Variants in GTF2H4 observed in about 807,000 individuals in gnomAD.
The protein encoded by GTF2H4 is general transcription factor IIH subunit 4.
A neutral mutation model predicts 62.2 loss-of-function variants in GTF2H4; 49 were observed. The ratio of observed to expected loss-of-function variants is 0.79; its 90% CI spans 0.63 to 1.00. The LOEUF (loss-of-function observed/expected upper bound fraction) is 1.00. Ranked by LOEUF, GTF2H4 falls within the 50% of genes least tolerant of loss-of-function variation. The pLI, the probability that GTF2H4 is intolerant of heterozygous loss-of-function variation, is 0.00. For synonymous variants in GTF2H4, 189 were observed against 233.8 expected, an observed-to-expected ratio of 0.81 and a Z score of 1.75; for missense variants, 479 against 587.8, an observed-to-expected ratio of 0.81 and a Z score of 1.91.
At position 30,911,643 on chromosome 6, in the gene GTF2H4, G is replaced by C; in HGVS notation, c.742-41G>C. On this transcript the variant is annotated intron_variant, in intron 8 of 13. Transcript: ENST00000259895. The surrounding 1 kb of genome is among the most constrained non-coding windows in gnomAD (Gnocchi z 4.3). ...GAATGTATGGGGTTGGGGGTGGGTG[G>C]GTTGTGTTTTGGACCCCAGCTGGAA... is the stretch of plus-strand genomic sequence containing the variant. The C allele has an allele frequency of 6.7e-7, 1 of 1,489,402 alleles. No individual in the cohort carries two copies. Among genetic ancestry groups the C allele is most frequent in the Non-Finnish European group, 9.4e-7 (1 of 1,067,022 alleles). The allele number at this position is 1,489,402 out of a possible 1,614,324, so 92.3% of individuals were successfully genotyped here. A position where few individuals can be genotyped will look rare whatever the true frequency, so the allele number is the denominator to read the frequency against.
chr6:30,912,174 G>C lies in GTF2H4; in HGVS notation c.958+28G>C. The C allele has an allele frequency of 3.1e-6, 5 of 1,611,972 alleles. No homozygotes were observed. The highest frequency in any genetic ancestry group is 4.2e-6 in the Non-Finnish European group (5 of 1,179,364). ...GAGGCGGGACAGAGGGCCCCTGGAA[G>C]AGGAGGTTGGGGGTGAGGGAATGCC... is the stretch of plus-strand genomic sequence containing the variant. On this transcript the variant is annotated intron_variant, in intron 10 of 13. Coordinates refer to ENST00000259895, the MANE Select transcript of GTF2H4 (RefSeq NM_001517.5). The surrounding 1 kb of genome is among the most constrained non-coding windows in gnomAD (Gnocchi z 4.8).
Position 30,913,335 on chromosome 6 carries a change from C to T in GTF2H4, c.1164C>T (p.Thr388=). 5 of 1,613,386 alleles carry T rather than the reference C, an allele frequency of 3.1e-6. No individual in the cohort carries two copies. Among genetic ancestry groups the T allele is most frequent in the South Asian group, 1.1e-5 (1 of 91,074 alleles). The part of the protein sequence containing the change: ...KQTPVLPPTI[T]DQIRLWELER... ...CACCTGTGCTGCCCCCCACCATCAC[C>T]GACCAGATCCGGCTCTGGGAGCTGG... Residue 388 remains threonine, a synonymous_variant, in exon 13 of 14, where the codon ACC becomes ACT. Transcript: ENST00000259895. This position sits in a 1 kb window ranked among gnomAD's most constrained non-coding sequence, Gnocchi z 4.2.
At position 30,912,624 on chromosome 6, in the gene GTF2H4, C is replaced by T. The variant is rs921667262; in HGVS notation, c.1089+166C>T. 3.3e-5 allele frequency among the ~76,000 whole-genome samples: 5 copies of T among 152,034 alleles called. No homozygotes were observed. The highest frequency in any genetic ancestry group is 2.0e-4 in the Admixed American group (3 of 15,262). ...GCTTTGGGTGTGAGAATAGGTAGAC[C>T]CTTGAGGGGAAAAAAACATGGAGGG... On this transcript the variant is annotated intron_variant, in intron 11 of 13. Transcript: ENST00000259895. The surrounding 1 kb of genome is among the most constrained non-coding windows in gnomAD (Gnocchi z 4.8).
chr6:30,913,021 C>T lies in GTF2H4; in HGVS notation c.1090-89C>T. 2 of 1,295,678 alleles carry T rather than the reference C, an allele frequency of 1.5e-6. No homozygotes were observed. Among genetic ancestry groups the T allele is most frequent in the South Asian group, 1.2e-5 (1 of 80,870 alleles). 80.3% of individuals were successfully genotyped at this position (1,295,678 alleles called of 1,614,324 possible). A position where few individuals can be genotyped will look rare whatever the true frequency, so the allele number is the denominator to read the frequency against. On this transcript the variant is annotated intron_variant, in intron 11 of 13. Coordinates refer to ENST00000259895, the MANE Select transcript of GTF2H4 (RefSeq NM_001517.5). The surrounding 1 kb of genome is among the most constrained non-coding windows in gnomAD (Gnocchi z 4.2). ...AGGAGTTATGAGTTTTTAGAATAAG[C>T]TGATGTTCCAGTGACATTAGGTGAC...
In GTF2H4 at chr6:30,912,253, G is replaced by A. The variant is rs1793796138; in HGVS notation, c.959-75G>A. 3 of 1,602,020 alleles carry A rather than the reference G, an allele frequency of 1.9e-6. No homozygotes were observed. Among genetic ancestry groups the A allele is most frequent in the African/African-American group, 2.7e-5 (2 of 74,794 alleles). On this transcript the variant is annotated intron_variant, in intron 10 of 13. Coordinates refer to ENST00000259895, the MANE Select transcript of GTF2H4 (RefSeq NM_001517.5). This position sits in a 1 kb window ranked among gnomAD's most constrained non-coding sequence, Gnocchi z 4.8. ...TACAGAGCTCTCTGACATTTCTCAT[G>A]ACACTTGAAAGAAGGGCTTGAGGGA...
In GTF2H4 at chr6:30,913,415, G is replaced by A. The variant is rs757744245; in HGVS notation, c.1216+28G>A. ...GAGTAGCTTCTGGTGGCCAAGTCTTGGTCATTGGCCAGAGAAAGGGCAGAC... is the reference window on the plus strand; with the variant it reads ...GAGTAGCTTCTGGTGGCCAAGTCTTAGTCATTGGCCAGAGAAAGGGCAGAC... On this transcript the variant is annotated intron_variant, in intron 13 of 13. Coordinates refer to ENST00000259895, the MANE Select transcript of GTF2H4 (RefSeq NM_001517.5). This position sits in a 1 kb window ranked among gnomAD's most constrained non-coding sequence, Gnocchi z 4.2. 1.9e-6 allele frequency: 3 copies of A among 1,608,748 alleles called. No homozygotes were observed. In the South Asian group the frequency reaches 3.3e-5, roughly 18 times the overall value.
chr6:30,910,650 C>G lies in GTF2H4; in HGVS notation c.375-15C>G. The G allele has an allele frequency of 6.2e-7, 1 of 1,602,276 alleles. No individual in the cohort carries two copies. The highest frequency in any genetic ancestry group is 2.2e-5 in the East Asian group (1 of 44,792). ...CTGGCCAGGGTTCCTTACTCTTGGCCCATCCTGGCCGTAGGGGGAAGGCCT... is the reference window on the plus strand; with the variant it reads ...CTGGCCAGGGTTCCTTACTCTTGGCGCATCCTGGCCGTAGGGGGAAGGCCT... On this transcript the variant is annotated splice_polypyrimidine_tract_variant and intron_variant, in intron 4 of 13. Transcript: ENST00000259895. This position sits in a 1 kb window ranked among gnomAD's most constrained non-coding sequence, Gnocchi z 4.7.
At position 30,909,676 on chromosome 6, in the gene GTF2H4, CT is replaced by C; in HGVS notation, c.242+141del. On this transcript the variant is annotated intron_variant, in intron 3 of 13. Coordinates refer to ENST00000259895, the MANE Select transcript of GTF2H4 (RefSeq NM_001517.5). This position sits in a 1 kb window ranked among gnomAD's most constrained non-coding sequence, Gnocchi z 4.3. ...ACATTTGGGAAACTCTGCATATTGC[CT>C]TTTCCCTTTTATTTATTTCCCAGCT... 1 of 642,770 alleles carries C rather than the reference CT, an allele frequency of 1.6e-6. No individual in the cohort carries two copies. The allele number at this position is 642,770 out of a possible 1,614,324, so 39.8% of individuals were successfully genotyped here.
In GTF2H4 at chr6:30,909,655, T is replaced by C; in HGVS notation, c.242+116T>C. ...TCACAAAACTTAAAAATAAATACAT[T>C]TGGGAAACTCTGCATATTGCCTTTT... On this transcript the variant is annotated intron_variant, in intron 3 of 13. Coordinates refer to ENST00000259895, the MANE Select transcript of GTF2H4 (RefSeq NM_001517.5). This position sits in a 1 kb window ranked among gnomAD's most constrained non-coding sequence, Gnocchi z 4.3. 1.5e-6 allele frequency: 1 copy of C among 678,384 alleles called. No homozygotes were observed. Among genetic ancestry groups the C allele is most frequent in the Non-Finnish European group, 2.5e-6 (1 of 394,732 alleles). The allele number at this position is 678,384 out of a possible 1,614,324, so 42.0% of individuals were successfully genotyped here.
At position 30,911,662 on chromosome 6, in the gene GTF2H4, G is replaced by C; in HGVS notation, c.742-22G>C. On this transcript the variant is annotated intron_variant, in intron 8 of 13. Transcript: ENST00000259895. The surrounding 1 kb of genome is among the most constrained non-coding windows in gnomAD (Gnocchi z 4.3). ...TGGGTGGGTTGTGTTTTGGACCCCAGCTGGAAACCTCTGTTCCTCAGGATT... is the reference window on the plus strand; with the variant it reads ...TGGGTGGGTTGTGTTTTGGACCCCACCTGGAAACCTCTGTTCCTCAGGATT... The C allele has an allele frequency of 1.2e-6, 2 of 1,602,288 alleles. No individual in the cohort carries two copies. Among genetic ancestry groups the C allele is most frequent in the Non-Finnish European group, 1.7e-6 (2 of 1,170,076 alleles).
Position 30,911,769 on chromosome 6 carries a change from T to A in GTF2H4, c.825+2T>A. 6.2e-7 allele frequency: 1 copy of A among 1,611,606 alleles called. No homozygotes were observed. ...TTTGGGCTTGTTTTCCAGAGGAAGG[T>A]ATGAGCGCCTAGATAAGTGGCTTCC... is the stretch of plus-strand genomic sequence containing the variant. On this transcript the variant is annotated splice_donor_variant, in intron 9 of 13. Transcript: ENST00000259895. LOFTEE classifies it high-confidence loss of function. The surrounding 1 kb of genome is among the most constrained non-coding windows in gnomAD (Gnocchi z 4.3).
chr6:30,909,309 G>C lies in GTF2H4; in HGVS notation c.138-126G>C. 8.0e-7 allele frequency: 1 copy of C among 1,248,124 alleles called. No homozygotes were observed. Among genetic ancestry groups the C allele is most frequent in the South Asian group, 1.4e-5 (1 of 71,594 alleles). The allele number at this position is 1,248,124 out of a possible 1,614,324, so 77.3% of individuals were successfully genotyped here. A position where few individuals can be genotyped will look rare whatever the true frequency, so the allele number is the denominator to read the frequency against. On this transcript the variant is annotated intron_variant, in intron 2 of 13. Transcript: ENST00000259895. The surrounding 1 kb of genome is among the most constrained non-coding windows in gnomAD (Gnocchi z 4.3). ...GTTGGAAATTGCTCTAAAGTGTGGA[G>C]GCCAAAACAGCAGGACTGGTAAAGT...
At position 30,912,136 on chromosome 6, in the gene GTF2H4, T is replaced by G; in HGVS notation, c.948T>G (p.Tyr316Ter). ...TCGTGGAAACCAATTACCGACTGTA[T>G]GCCTACACGGGTGAGGCGGGACAGA... ...FIVVETNYRL[Y>*]AYTESELQIA... Residue 316 changes from tyrosine to a stop codon, truncating the protein, a stop_gained, in exon 10 of 14, where the codon TAT becomes TAG. Coordinates refer to ENST00000259895, the MANE Select transcript of GTF2H4 (RefSeq NM_001517.5). LOFTEE classifies it high-confidence loss of function. This position sits in a 1 kb window ranked among gnomAD's most constrained non-coding sequence, Gnocchi z 4.8. The G allele has an allele frequency of 6.2e-7, 1 of 1,612,952 alleles. No individual in the cohort carries two copies. Among genetic ancestry groups the G allele is most frequent in the Non-Finnish European group, 8.5e-7 (1 of 1,180,010 alleles).
rs919895256 is a variant in GTF2H4, at chr6:30,911,825, G to A, written c.825+58G>A. ...AGAAACAGGGTGGTGTGTTGCCTTTGCCTTTAAAAAGGAGTGGGGTCTTGG... is the reference window on the plus strand; with the variant it reads ...AGAAACAGGGTGGTGTGTTGCCTTTACCTTTAAAAAGGAGTGGGGTCTTGG... On this transcript the variant is annotated intron_variant, in intron 9 of 13. Transcript: ENST00000259895. The surrounding 1 kb of genome is among the most constrained non-coding windows in gnomAD (Gnocchi z 4.3). 2 of 1,521,238 alleles carry A rather than the reference G, an allele frequency of 1.3e-6. No individual in the cohort carries two copies. The highest frequency in any genetic ancestry group is 1.8e-6 in the Non-Finnish European group (2 of 1,097,740). 94.2% of individuals were successfully genotyped at this position (1,521,238 alleles called of 1,614,324 possible).
Position 30,909,573 on chromosome 6 carries a change from C to G in GTF2H4, c.242+34C>G. The G allele has an allele frequency of 7.7e-7, 1 of 1,291,442 alleles. No homozygotes were observed. The highest frequency in any genetic ancestry group is 2.3e-5 in the East Asian group (1 of 43,286). 80.0% of individuals were successfully genotyped at this position (1,291,442 alleles called of 1,614,324 possible). The stretch of plus-strand genomic sequence containing the variant: ...CAGCCAGATACAAATTTCTCAACAG[C>G]TACATTTCCCAAACTGCTGTTCCTT... On this transcript the variant is annotated intron_variant, in intron 3 of 13. Transcript: ENST00000259895. The surrounding 1 kb of genome is among the most constrained non-coding windows in gnomAD (Gnocchi z 4.3).
rs749790335 is a variant in GTF2H4, at chr6:30,910,406, G to A, written c.375-259G>A. Among the ~76,000 whole-genome samples, 38 of 152,074 alleles carry A rather than the reference G, an allele frequency of 2.5e-4. No homozygotes were observed. The highest frequency in any genetic ancestry group is 4.7e-4 in the Non-Finnish European group (32 of 67,948). On this transcript the variant is annotated intron_variant, in intron 4 of 13. Coordinates refer to ENST00000259895, the MANE Select transcript of GTF2H4 (RefSeq NM_001517.5). The surrounding 1 kb of genome is among the most constrained non-coding windows in gnomAD (Gnocchi z 4.7). Reference sequence around the variant, plus strand: ...GTGCAGTGGTGTAATCTTGACTCACGGCAGCCTCTACCTCCTGGGTTCAAG... The same window carrying A: ...GTGCAGTGGTGTAATCTTGACTCACAGCAGCCTCTACCTCCTGGGTTCAAG...
Position 30,912,970 on chromosome 6 carries a change from G to T in GTF2H4, c.1090-140G>T. ...GGAGCAGCAACGTGGGATAACAGCT[G>T]AACTGGGATGGGTGGAGTTGATGAC... On this transcript the variant is annotated intron_variant, in intron 11 of 13. Transcript: ENST00000259895. The surrounding 1 kb of genome is among the most constrained non-coding windows in gnomAD (Gnocchi z 4.8). The T allele has an allele frequency of 1.3e-6, 1 of 746,270 alleles. No homozygotes were observed. Among genetic ancestry groups the T allele is most frequent in the Non-Finnish European group, 2.2e-6 (1 of 456,740 alleles). 46.2% of individuals were successfully genotyped at this position (746,270 alleles called of 1,614,324 possible). A position where few individuals can be genotyped will look rare whatever the true frequency, so the allele number is the denominator to read the frequency against.
Position 30,913,221 on chromosome 6 carries a change from G to T in GTF2H4, c.1137+64G>T, listed in dbSNP as rs1010752875. The T allele has an allele frequency of 6.2e-7, 1 of 1,612,716 alleles. No individual in the cohort carries two copies. Among genetic ancestry groups the T allele is most frequent in the Non-Finnish European group, 8.5e-7 (1 of 1,178,958 alleles). The stretch of plus-strand genomic sequence containing the variant: ...GTGATGACATGATGGAAAAGAAAAA[G>T]GGGCATCCAAATCTGGGGAAGAAAC... On this transcript the variant is annotated intron_variant, in intron 12 of 13. Transcript: ENST00000259895. The surrounding 1 kb of genome is among the most constrained non-coding windows in gnomAD (Gnocchi z 4.2).
In GTF2H4 at chr6:30,912,168, C is replaced by T; in HGVS notation, c.958+22C>T. ...ACGGGTGAGGCGGGACAGAGGGCCC[C>T]TGGAAGAGGAGGTTGGGGGTGAGGG... On this transcript the variant is annotated intron_variant, in intron 10 of 13. Transcript: ENST00000259895. This position sits in a 1 kb window ranked among gnomAD's most constrained non-coding sequence, Gnocchi z 4.8. 6.2e-7 allele frequency: 1 copy of T among 1,611,950 alleles called. No homozygotes were observed. The highest frequency in any genetic ancestry group is 8.5e-7 in the Non-Finnish European group (1 of 1,179,446).
Sources: allele counts gnomAD v4.1 joint callset (sites outside exome capture counted in the v4.1 genomes callset), GRCh38; gene constraint gnomAD v4.1.1; non-coding constraint Gnocchi (gnomAD v3.1); transcripts MANE v1.5; gene names NCBI Gene and HGNC (gene_info 2026-07-23, HGNC 2026-07-21).